Variants in TLK1 observed in about 807,000 individuals in gnomAD.
The protein encoded by TLK1 is serine/threonine-protein kinase tousled-like 1.
Under a neutral mutation model 105.3 loss-of-function variants are expected in TLK1, and 24 were observed. The ratio of observed to expected loss-of-function variants is 0.23; its 90% confidence interval spans 0.17 to 0.32. The LOEUF is 0.32. TLK1 is among the 10% of genes least tolerant of loss of function. The pLI, the probability that TLK1 is intolerant of heterozygous loss-of-function variation, is 1.00. For synonymous variants in TLK1, 321 were observed against 310.4 expected, an observed-to-expected ratio of 1.03 and a Z score of -0.36; for missense variants, 558 against 910.5, an observed-to-expected ratio of 0.61 and a Z score of 4.98.
intron 11 of TLK1, among the ~76,000 whole-genome samples, chr2:171,034,447 A>G (rs1298736107): frequency 6.6e-6 from 1 of 152,374 alleles, no homozygotes; most frequent in Admixed American, 6.5e-5. Flanking sequence ...CAACATGAAT[A>G]TATTTTGAAA....
At chr2:171,021,433 CTTTTTTTTTTTTTTTT>C (rs531522490) in intron 12 of TLK1, among the ~76,000 whole-genome samples, 8 of 116,818 alleles carry the variant, frequency 6.8e-5, no homozygotes, top group Non-Finnish European at 1.1e-4. Context: ...CCCGCCCCGA[CTTTTTTTTTTTTTTTT>C]TTTTTTTTTT....
intron 1 of TLK1, among the ~76,000 whole-genome samples, chr2:171,192,918 C>T (rs1468130044): frequency 6.6e-6 from 1 of 152,156 alleles, no homozygotes; most frequent in East Asian, 1.9e-4. Context: ...GATCATGTTT[C>T]CATGCTATTA....
chr2:171,119,224 T>C (rs1439464096), intron 1 of TLK1, among the ~76,000 whole-genome samples: 1 of 152,242 alleles, frequency 6.6e-6, no homozygotes, highest in Non-Finnish European at 1.5e-5. Flanking sequence ...TCATCCTTAG[T>C]ATCATCAATG....
intron 11 of TLK1, among the ~76,000 whole-genome samples, chr2:171,030,933 C>A (rs2105397423): frequency 6.6e-6 from 1 of 151,230 alleles, no homozygotes; most frequent in East Asian, 1.9e-4. Flanking sequence ...AGACTCTGTG[C>A]AATTTAGGAG....
At chr2:171,145,538 C>T (rs1211588101) in intron 1 of TLK1, among the ~76,000 whole-genome samples, 2 of 150,154 alleles carry the variant, frequency 1.3e-5, no homozygotes, top group African/African-American at 2.5e-5. Context: ...TGCAGTGAGC[C>T]GAGATTGTGC....
chr2:171,030,647 A>G lies in TLK1; in HGVS notation c.1170-2242T>C, dbSNP rs180740945. 8.2e-4 allele frequency among the ~76,000 whole-genome samples: 125 copies of G among 152,340 alleles called. 1 individual carries two copies. The highest frequency in any genetic ancestry group is 1.4e-3 in the Non-Finnish European group (95 of 68,016). On this transcript the variant is annotated intron_variant, in intron 11 of 20. Coordinates refer to ENST00000431350, the MANE Select transcript of TLK1 (RefSeq NM_012290.5). ...AGTTTGCCTATGATACTGCTATTAT[A>G]TAACAGTATCATAAATTCATATTCT...
At chr2:171,123,084 A>ACACACACACACG (rs914724293) in intron 1 of TLK1, among the ~76,000 whole-genome samples, 1 of 151,712 alleles carries the variant, frequency 6.6e-6, no homozygotes, top group African/African-American at 2.4e-5. Flanking sequence ...ACACACACAC[A>ACACACACACACG]CACTTCTTTT....
chr2:171,121,651 T>G (rs1215725984), intron 1 of TLK1, among the ~76,000 whole-genome samples: 1 of 152,170 alleles, frequency 6.6e-6, no homozygotes, highest in Non-Finnish European at 1.5e-5. Flanking sequence ...GAAGAAAACA[T>G]TTATAAAGCA....
chr2:171,058,499 A>G (rs1321369327), intron 4 of TLK1, among the ~76,000 whole-genome samples: 1 of 152,172 alleles, frequency 6.6e-6, no homozygotes, highest in Non-Finnish European at 1.5e-5. Context: ...TTACTTGTAA[A>G]TAATAATAAA....
Position 171,023,066 on chromosome 2 carries a change from G to T in TLK1, c.1236+5273C>A, listed in dbSNP as rs1685602185. 6.4e-6 allele frequency: 3 copies of T among 471,078 alleles called. No individual in the cohort carries two copies. The Admixed American group carries it at 7.0e-5, about 11-fold the overall frequency. 29.2% of individuals were successfully genotyped at this position (471,078 alleles called of 1,614,324 possible). ...TGCCTGTTACTGGTTGTTTCTCTTT[G>T]CAGGTGCCAATATCGGTCAGAGAAC... On this transcript the variant is annotated intron_variant, in intron 12 of 20. Coordinates refer to ENST00000431350, the MANE Select transcript of TLK1 (RefSeq NM_012290.5).
chr2:171,101,076 A>G (rs1689668699), intron 2 of TLK1, among the ~76,000 whole-genome samples: 1 of 151,960 alleles, frequency 6.6e-6, no homozygotes, highest in Non-Finnish European at 1.5e-5. Flanking sequence ...GGCCAGGCGC[A>G]GTGGCTCACA....
chr2:171,162,144 C>T (rs188603231), upstream of TLK1, among the ~76,000 whole-genome samples: 10 of 152,326 alleles, frequency 6.6e-5, no homozygotes, highest in African/African-American at 1.2e-4. Context: ...TTAGATACTT[C>T]AGTGAGTTTT....
chr2:171,171,850 G>A (rs1198960497), intron 1 of TLK1, among the ~76,000 whole-genome samples: 1 of 152,146 alleles, frequency 6.6e-6, no homozygotes, highest in African/African-American at 2.4e-5. Flanking sequence ...AGTGGATATT[G>A]GTACCTGGTA....
At chr2:171,146,071 T>C (rs1691779659) in intron 1 of TLK1, among the ~76,000 whole-genome samples, 1 of 152,178 alleles carries the variant, frequency 6.6e-6, no homozygotes, top group African/African-American at 2.4e-5. Context: ...AGATAAAATA[T>C]ATAAAATTTA....
chr2:171,130,895 T>C (rs762653752), intron 1 of TLK1, among the ~76,000 whole-genome samples: 6 of 152,126 alleles, frequency 3.9e-5, no homozygotes, highest in Admixed American at 2.0e-4. Flanking sequence ...GATCCAGATA[T>C]ATAAATTAGC....
chr2:171,140,331 G>A (rs994080490), intron 1 of TLK1, among the ~76,000 whole-genome samples: 1 of 152,130 alleles, frequency 6.6e-6, no homozygotes, highest in Admixed American at 6.5e-5. Context: ...TTTAAAAAAC[G>A]AAAACTCTAC....
At chr2:171,197,839 C>T (rs1693304515) in intron 1 of TLK1, among the ~76,000 whole-genome samples, 1 of 152,088 alleles carries the variant, frequency 6.6e-6, no homozygotes, top group South Asian at 2.1e-4. Context: ...TGCTAAAATG[C>T]AGATGCTTGG....
At chr2:171,230,111 C>T (rs1250016158) in intron 1 of TLK1, among the ~76,000 whole-genome samples, 1 of 152,196 alleles carries the variant, frequency 6.6e-6, no homozygotes, top group Non-Finnish European at 1.5e-5. Context: ...GGCCCACCAT[C>T]TAACTCTTTT....
At chr2:171,014,193 G>A (rs1011064787) in intron 13 of TLK1, among the ~76,000 whole-genome samples, 5 of 152,098 alleles carry the variant, frequency 3.3e-5, no homozygotes, top group African/African-American at 4.8e-5. Context: ...ACTGGTCTAG[G>A]CTTTACGGAT....
Sources: gnomAD v4.1 joint callset for allele counts (sites outside exome capture counted in the v4.1 genomes callset) on GRCh38, gnomAD v4.1.1 for gene constraint, MANE v1.5 for transcripts, NCBI Gene and HGNC (gene_info 2026-07-23, HGNC 2026-07-21) for gene names.